KCNJ3: variants seen among roughly 807,000 people sequenced by gnomAD.
KCNJ3 encodes G protein-activated inward rectifier potassium channel 1.
KCNJ3 carries 4 observed loss-of-function variants against 39.2 expected under a neutral mutation model. The observed-to-expected ratio is 0.10, with a 90% CI of 0.05 to 0.23. The LOEUF is 0.23. KCNJ3 is among the 10% of genes least tolerant of loss of function. The pLI, the probability that KCNJ3 is intolerant of heterozygous loss-of-function variation, is 1.00. For missense variants in KCNJ3, 276 were observed against 634.9 expected (o/e 0.43, Z 6.08); for synonymous variants, 230 against 237.4 (o/e 0.97, Z 0.29).
chr2:154,702,142 T>C (rs1684910428), intron 1 of KCNJ3, among the ~76,000 whole-genome samples: 1 of 152,034 alleles, frequency 6.6e-6, no homozygotes. Flanking sequence ...ATCAGTTTTA[T>C]ACATTATTCT....
At chr2:154,839,346 T>G (rs1444292903) in intron 2 of KCNJ3, among the ~76,000 whole-genome samples, 3 of 152,236 alleles carry the variant, frequency 2.0e-5, no homozygotes, top group Admixed American at 6.5e-5. Context: ...GATGGACATT[T>G]GGGTTGGTTC....
intron 2 of KCNJ3, among the ~76,000 whole-genome samples, chr2:154,850,392 A>C (rs1279066318): frequency 6.6e-6 from 1 of 152,188 alleles, no homozygotes; most frequent in Non-Finnish European, 1.5e-5. Flanking sequence ...CTTAGAAACC[A>C]TAATGATATC....
chr2:154,725,218 T>C (rs1053746616), intron 2 of KCNJ3, among the ~76,000 whole-genome samples: 9 of 148,806 alleles, frequency 6.0e-5, no homozygotes, highest in Non-Finnish European at 1.2e-4. Flanking sequence ...AGTCAAACAA[T>C]AGATGGTTAT....
chr2:154,830,934 T>C (rs1687352106), intron 2 of KCNJ3, among the ~76,000 whole-genome samples: 1 of 152,214 alleles, frequency 6.6e-6, no homozygotes, highest in Non-Finnish European at 1.5e-5. Context: ...ATCTTCATCA[T>C]TGCAACAATA....
chr2:154,753,169 G>A (rs1019077053), intron 2 of KCNJ3, among the ~76,000 whole-genome samples: 1 of 151,992 alleles, frequency 6.6e-6, no homozygotes, highest in Non-Finnish European at 1.5e-5. Flanking sequence ...CATTGTAACG[G>A]ATTGCTAAAA....
intron 2 of KCNJ3, among the ~76,000 whole-genome samples, chr2:154,840,840 T>C (rs149893661): frequency 0.21 from 31,242 of 152,054 alleles, 3,515 homozygotes; most frequent in East Asian, 0.4. Context: ...TGGGCTGAGA[T>C]GATGGGGTTT....
chr2:154,735,223 A>T (rs1489953906), intron 2 of KCNJ3, among the ~76,000 whole-genome samples: 1 of 149,980 alleles, frequency 6.7e-6, no homozygotes, highest in Non-Finnish European at 1.5e-5. Context: ...AGTAGCTGGG[A>T]CTACAGGGGC....
chr2:154,712,596 GA>G (rs1685116521), intron 2 of KCNJ3, among the ~76,000 whole-genome samples: 1 of 152,122 alleles, frequency 6.6e-6, no homozygotes, highest in Non-Finnish European at 1.5e-5. Flanking sequence ...TGGTGACCCG[GA>G]CAGAAAGAAT....
At chr2:154,713,605 A>G (rs1454017679) in intron 2 of KCNJ3, among the ~76,000 whole-genome samples, 1 of 152,192 alleles carries the variant, frequency 6.6e-6, no homozygotes. Flanking sequence ...GATCAGACAC[A>G]GGTTTGTTGC....
intron 2 of KCNJ3, among the ~76,000 whole-genome samples, chr2:154,785,880 A>G (rs1455222568): frequency 3.3e-5 from 5 of 152,146 alleles, no homozygotes; most frequent in Non-Finnish European, 7.3e-5. Context: ...TTATCTCCAA[A>G]TAGAGTGACA....
intron 2 of KCNJ3, among the ~76,000 whole-genome samples, chr2:154,835,984 G>A (rs1396257599): frequency 6.6e-6 from 1 of 152,088 alleles, no homozygotes. Context: ...GCCGAGGCAG[G>A]TTGGTCACCT....
intron 2 of KCNJ3, among the ~76,000 whole-genome samples, chr2:154,812,120 G>A (rs1360946452): frequency 6.6e-6 from 1 of 152,122 alleles, no homozygotes; most frequent in African/African-American, 2.4e-5. Flanking sequence ...TAAGAGCATT[G>A]CAAAAAATAA....
intron 2 of KCNJ3, among the ~76,000 whole-genome samples, chr2:154,769,964 TA>T (rs1228622344): frequency 2.0e-5 from 3 of 152,156 alleles, no homozygotes; most frequent in African/African-American, 7.2e-5. Context: ...AAGTTTTCAG[TA>T]AAAAATTCAA....
chr2:154,731,357 G>C (rs1685446174), intron 2 of KCNJ3, among the ~76,000 whole-genome samples: 1 of 152,002 alleles, frequency 6.6e-6, no homozygotes, highest in Non-Finnish European at 1.5e-5. Flanking sequence ...AATTTATATG[G>C]TGAAATTTTT....
At chr2:154,748,318 G>A (rs1187980769) in intron 2 of KCNJ3, among the ~76,000 whole-genome samples, 1 of 151,848 alleles carries the variant, frequency 6.6e-6, no homozygotes, top group Non-Finnish European at 1.5e-5. Flanking sequence ...ATGTGCTAGG[G>A]ATATAGTGGC....
chr2:154,797,687 T>C (rs1013556985), intron 2 of KCNJ3, among the ~76,000 whole-genome samples: 10 of 152,140 alleles, frequency 6.6e-5, no homozygotes, highest in African/African-American at 2.4e-4. Context: ...TATGTCCTAC[T>C]GTAACTTGCC....
chr2:154,716,204 G>T (rs960648623), intron 2 of KCNJ3, among the ~76,000 whole-genome samples: 5 of 151,650 alleles, frequency 3.3e-5, no homozygotes, highest in African/African-American at 1.2e-4. Flanking sequence ...TCATGCCGTG[G>T]GTTCATGCCG....
chr2:154,777,054 A>G (rs1054708262), intron 2 of KCNJ3, among the ~76,000 whole-genome samples: 3 of 151,894 alleles, frequency 2.0e-5, no homozygotes, highest in Non-Finnish European at 4.4e-5. Flanking sequence ...ACACACACAC[A>G]CACACACTCA....
chr2:154,822,535 A>G (rs1206788470), intron 2 of KCNJ3, among the ~76,000 whole-genome samples: 1 of 152,182 alleles, frequency 6.6e-6, no homozygotes, highest in Non-Finnish European at 1.5e-5. Context: ...CTTCATTGAC[A>G]TGATGAACTC....
Sources: allele counts gnomAD v4.1 joint callset (sites outside exome capture counted in the v4.1 genomes callset), GRCh38; gene constraint gnomAD v4.1.1; transcripts MANE v1.5; gene names NCBI Gene and HGNC (gene_info 2026-07-23, HGNC 2026-07-21).